ATG4B: variants seen among roughly 807,000 people sequenced by gnomAD.
ATG4B encodes autophagy related 4B cysteine peptidase.
A neutral mutation model predicts 56.6 loss-of-function variants in ATG4B; 29 were observed. The observed-to-expected ratio is 0.51, with a 90% confidence interval of 0.38 to 0.70. The LOEUF is 0.70. Ranked by LOEUF, ATG4B falls within the 30% of genes least tolerant of loss-of-function variation. The pLI is 0.00. For missense variants in ATG4B, 461 were observed against 515.5 expected (o/e 0.89, Z 1.02); for synonymous variants, 224 against 206.1 (o/e 1.09, Z -0.74).
chr2:241,664,126 A>G (rs1575083791), intron 7 of ATG4B, among the ~76,000 whole-genome samples: 1 of 152,076 alleles, frequency 6.6e-6, no homozygotes, highest in African/African-American at 2.4e-5. Flanking sequence ...ACCTCATTCT[A>G]TAAAATATTT....
chr2:241,671,829 G>A, intron 12 of ATG4B: 1 of 1,275,160 alleles, frequency 7.8e-7, no homozygotes, highest in Non-Finnish European at 1.0e-6. Flanking sequence ...GCAGTGAAGT[G>A]AGTGGCCGTG....
chr2:241,644,285 G>A (rs35552634), intron 1 of ATG4B, among the ~76,000 whole-genome samples: 63,172 of 152,004 alleles, frequency 0.42, 13,823 homozygotes, highest in African/African-American at 0.55. Flanking sequence ...GGAGGTTGCA[G>A]TGAGCTGAGA....
At position 241,672,952 on chromosome 2, in the gene ATG4B, C is replaced by G. The variant is rs2069031498; in HGVS notation, c.*688C>G. The G allele has an allele frequency of 6.1e-6, 1 of 163,308 alleles. No homozygotes were observed. Among genetic ancestry groups the G allele is most frequent in the African/African-American group, 2.4e-5 (1 of 41,736 alleles). The allele number at this position is 163,308 out of a possible 1,614,324, so 10.1% of individuals were successfully genotyped here. A position where few individuals can be genotyped will look rare whatever the true frequency, so the allele number is the denominator to read the frequency against. On this transcript the variant is annotated 3_prime_UTR_variant, in exon 13 of 13. Transcript: ENST00000404914. The stretch of plus-strand genomic sequence containing the variant: ...GCGGCCTGGGCAGAAGGGCGGCTGG[C>G]TGTCCTGGAGCTGCTGCTGGAGCCT...
chr2:241,647,887 G>A (rs1225727458), intron 1 of ATG4B, among the ~76,000 whole-genome samples: 2 of 151,942 alleles, frequency 1.3e-5, no homozygotes, highest in African/African-American at 4.8e-5. Flanking sequence ...GCCGAGGTGG[G>A]TGGATCACTT....
At chr2:241,665,732 T>C (rs1412629976) in intron 7 of ATG4B, among the ~76,000 whole-genome samples, 3 of 152,250 alleles carry the variant, frequency 2.0e-5, no homozygotes, top group African/African-American at 7.2e-5. Context: ...ACACTGAGCA[T>C]GTCCTGGTGA....
chr2:241,669,077 C>T (rs535945727), intron 10 of ATG4B, among the ~76,000 whole-genome samples: 3 of 117,140 alleles, frequency 2.6e-5, no homozygotes, highest in East Asian at 2.9e-4. Context: ...CATTTAAACA[C>T]GGGCGGCCCC....
chr2:241,672,284 G>A lies in ATG4B; in HGVS notation c.*20G>A. On this transcript the variant is annotated 3_prime_UTR_variant, in exon 13 of 13. Transcript: ENST00000404914. ...CTTTGAAAATCCTGGGGTCGGGGGT[G>A]GCACCTGTGAGAGCCTGGGGCTCCT... 1 of 1,555,730 alleles carries A rather than the reference G, an allele frequency of 6.4e-7. No individual in the cohort carries two copies. Among genetic ancestry groups the A allele is most frequent in the Non-Finnish European group, 8.7e-7 (1 of 1,147,168 alleles).
At chr2:241,645,170 G>A (rs1233020574) in intron 1 of ATG4B, among the ~76,000 whole-genome samples, 1 of 152,144 alleles carries the variant, frequency 6.6e-6, no homozygotes, top group Non-Finnish European at 1.5e-5. Flanking sequence ...CTGTCCTCCA[G>A]CATGAGAGGG....
intron 1 of ATG4B, among the ~76,000 whole-genome samples, chr2:241,641,757 A>G (rs1459863293): frequency 6.6e-6 from 1 of 152,216 alleles, no homozygotes; most frequent in Non-Finnish European, 1.5e-5. Flanking sequence ...TGGAGGTCAC[A>G]TCAGATGAGG....
At chr2:241,655,021 G>A (rs2068351596) in intron 5 of ATG4B, 6 of 586,066 alleles carry the variant, frequency 1.0e-5, no homozygotes, top group African/African-American at 1.9e-5. Flanking sequence ...TTTGAGCACT[G>A]TGTTTTCACT....
At chr2:241,637,981 T>C (rs1028244852) in intron 1 of ATG4B, among the ~76,000 whole-genome samples, 7 of 151,584 alleles carry the variant, frequency 4.6e-5, no homozygotes, top group African/African-American at 1.4e-4. Flanking sequence ...TCCGGTCCCG[T>C]CCGGAGCGCT....
intron 8 of ATG4B, 116 bp downstream of exon 8, chr2:241,666,954 G>T (rs904957554): frequency 2.4e-6 from 3 of 1,243,436 alleles, no homozygotes; most frequent in Non-Finnish European, 2.2e-6. Context: ...TCGGGGGAGG[G>T]GTAAACAACC....
intron 6 of ATG4B, among the ~76,000 whole-genome samples, chr2:241,655,919 G>A (rs983797721): frequency 5.9e-5 from 9 of 152,196 alleles, no homozygotes; most frequent in African/African-American, 1.9e-4. Flanking sequence ...TCAGCTTCGT[G>A]TCCACTCTTC....
intron 12 of ATG4B, chr2:241,671,892 A>C: frequency 4.5e-6 from 6 of 1,319,488 alleles, no homozygotes; most frequent in Non-Finnish European, 1.9e-6. Context: ...AAACAAGGCA[A>C]TGGCAATGGA....
chr2:241,667,989 C>T, intron 8 of ATG4B, 154 bp from the exon 9 acceptor site: 1 of 670,776 alleles, frequency 1.5e-6, no homozygotes, highest in Non-Finnish European at 2.5e-6. Flanking sequence ...GTGGTCTTTC[C>T]TGGACAGTAA....
chr2:241,648,425 T>A (rs2068126932), intron 1 of ATG4B, among the ~76,000 whole-genome samples: 1 of 151,964 alleles, frequency 6.6e-6, no homozygotes, highest in Admixed American at 6.5e-5. Context: ...TTAGACCTCA[T>A]CTCTACAAAA....
At chr2:241,654,774 T>C in intron 5 of ATG4B, 127 bp downstream of exon 5, 1 of 714,118 alleles carries the variant, frequency 1.4e-6, no homozygotes, top group Non-Finnish European at 2.4e-6. Flanking sequence ...CTGTAAACAC[T>C]GACCTCTGAC....
In ATG4B at chr2:241,672,491, C is replaced by T. The variant is rs191463202; in HGVS notation, c.*227C>T. 4.2e-4 allele frequency: 241 copies of T among 574,740 alleles called. No homozygotes were observed. The highest frequency in any genetic ancestry group is 3.9e-3 in the African/African-American group (209 of 53,350). 35.6% of individuals were successfully genotyped at this position (574,740 alleles called of 1,614,324 possible). A position where few individuals can be genotyped will look rare whatever the true frequency, so the allele number is the denominator to read the frequency against. ...CCGTCAGGGCCTGTGCATCCGCACGCGGAGCCGTCTGTTAGGAGCTTCCAG... is the reference window on the plus strand; with the variant it reads ...CCGTCAGGGCCTGTGCATCCGCACGTGGAGCCGTCTGTTAGGAGCTTCCAG... On this transcript the variant is annotated 3_prime_UTR_variant, in exon 13 of 13. Transcript: ENST00000404914.
At chr2:241,660,782 T>C (rs2068566503) in intron 7 of ATG4B, among the ~76,000 whole-genome samples, 2 of 152,352 alleles carry the variant, frequency 1.3e-5, no homozygotes, top group Admixed American at 6.5e-5. Flanking sequence ...TATACTATTA[T>C]ACCTTAGTTC....
Sources: allele counts gnomAD v4.1 joint callset (sites outside exome capture counted in the v4.1 genomes callset), GRCh38; gene constraint gnomAD v4.1.1; transcripts MANE v1.5; gene names NCBI Gene and HGNC (gene_info 2026-07-23, HGNC 2026-07-21).